KCNMA1: variants seen among roughly 807,000 people sequenced by gnomAD.
KCNMA1 encodes the protein Calcium-activated potassium channel subunit alpha-1.
In KCNMA1, 29 loss-of-function variants were observed where a neutral mutation model predicts 140.0. That is an observed-to-expected ratio of 0.21 (90% CI 0.15 to 0.28). The LOEUF is 0.28. KCNMA1 is among the 10% of genes least tolerant of loss of function. The probability of loss-of-function intolerance (pLI) is 1.00; values close to 1 mark genes in which losing one functional copy is unlikely to be tolerated. For missense variants in KCNMA1, 880 were observed against 1,602.2 expected (o/e 0.55, Z 7.70); for synonymous variants, 612 against 611.9 (o/e 1.00, Z 0.00).
At position 77,112,433 on chromosome 10, in the gene KCNMA1, G is replaced by A. The variant is rs80332184; in HGVS notation, c.894C>T (p.Ile298=). ...FLNILKTSNS[I]KLVNLLSIFI... ...ATATGGAGAGCAGATTCACCAGCTT[G>A]ATGGAATTACTGTGCAAGAGACAAC... Residue 298 remains isoleucine (I), a synonymous_variant, in exon 7 of 28, where the codon ATC becomes ATT. Transcript: ENST00000286628. 6.2e-7 allele frequency: 1 copy of A among 1,613,520 alleles called. No individual in the cohort carries two copies. The highest frequency in any genetic ancestry group is 1.3e-5 in the African/African-American group (1 of 75,028).
At chr10:77,016,025 A>G (rs1443722077) in intron 17 of KCNMA1, among the ~76,000 whole-genome samples, 1 of 152,186 alleles carries the variant, frequency 6.6e-6, no homozygotes, top group Non-Finnish European at 1.5e-5. Context: ...CTTCCATTTT[A>G]TAACAGATCC....
intron 1 of KCNMA1, among the ~76,000 whole-genome samples, chr10:77,406,315 G>A (rs1259277070): frequency 1.3e-5 from 2 of 152,018 alleles, no homozygotes; most frequent in African/African-American, 4.8e-5. Context: ...ACCGCTGTGG[G>A]ACCTCAATAA....
chr10:76,936,167 T>A (rs1038903986), intron 23 of KCNMA1, among the ~76,000 whole-genome samples: 1 of 152,232 alleles, frequency 6.6e-6, no homozygotes, highest in Non-Finnish European at 1.5e-5. Context: ...ATTCTTGTGA[T>A]GAGATTCATC....
chr10:77,431,725 C>T (rs904854123), intron 1 of KCNMA1, among the ~76,000 whole-genome samples: 3 of 136,132 alleles, frequency 2.2e-5, no homozygotes, highest in Non-Finnish European at 4.6e-5. Flanking sequence ...AGGCCGGGAG[C>T]GGTGGCTCAC....
chr10:77,330,169 C>A (rs1196755275), intron 2 of KCNMA1, among the ~76,000 whole-genome samples: 1 of 152,144 alleles, frequency 6.6e-6, no homozygotes, highest in Non-Finnish European at 1.5e-5. Flanking sequence ...CACCCACCCA[C>A]CCACTGAGTT....
intron 1 of KCNMA1, among the ~76,000 whole-genome samples, chr10:77,492,963 G>A (rs983025656): frequency 6.6e-6 from 1 of 152,232 alleles, no homozygotes; most frequent in Non-Finnish European, 1.5e-5. Context: ...TTAGAGAAGT[G>A]AAATCATTCT....
chr10:77,132,916 CTGAG>C (rs570956546), intron 5 of KCNMA1, among the ~76,000 whole-genome samples: 17 of 152,042 alleles, frequency 1.1e-4, no homozygotes, highest in East Asian at 5.8e-4. Context: ...TATGTGTTGA[CTGAG>C]TATGTTTTAA....
In KCNMA1 at chr10:77,461,533, C is replaced by T. The variant is rs537370306; in HGVS notation, c.379-57510G>A. On this transcript the variant is annotated intron_variant, in intron 1 of 27. Coordinates refer to ENST00000286628, the MANE Select transcript of KCNMA1 (RefSeq NM_001161352.2). Reference sequence around the variant, plus strand: ...ATTCATGATTCAGTACAGTCTTGGGCTTAAGGAGATTTCAATACTGAGGAG... The same window carrying T: ...ATTCATGATTCAGTACAGTCTTGGGTTTAAGGAGATTTCAATACTGAGGAG... 3.9e-5 allele frequency among the ~76,000 whole-genome samples: 6 copies of T among 152,258 alleles called. No individual in the cohort carries two copies. In the South Asian group the frequency reaches 1.2e-3, roughly 32 times the overall value.
chr10:76,924,985 T>C (rs1363962242), intron 23 of KCNMA1, among the ~76,000 whole-genome samples: 2 of 152,104 alleles, frequency 1.3e-5, no homozygotes, highest in Admixed American at 1.3e-4. Flanking sequence ...AGAAACGCTG[T>C]TCCCCCTCTT....
chr10:77,228,383 AG>A (rs1474161881), intron 3 of KCNMA1, among the ~76,000 whole-genome samples: 1 of 152,186 alleles, frequency 6.6e-6, no homozygotes, highest in East Asian at 1.9e-4. Context: ...AAAAGTAACA[AG>A]ATGGAAAAAT....
chr10:77,185,735 T>C (rs1233598397), intron 3 of KCNMA1, among the ~76,000 whole-genome samples: 1 of 152,046 alleles, frequency 6.6e-6, no homozygotes, highest in African/African-American at 2.4e-5. Context: ...AAGACTTCTG[T>C]GTGCTTTCCT....
At chr10:77,298,073 C>A (rs1385260920) in intron 2 of KCNMA1, among the ~76,000 whole-genome samples, 3 of 152,120 alleles carry the variant, frequency 2.0e-5, no homozygotes, top group Non-Finnish European at 2.9e-5. Context: ...CATTTATATC[C>A]AAACCAGATC....
intron 5 of KCNMA1, among the ~76,000 whole-genome samples, chr10:77,154,027 G>A (rs2098455280): frequency 6.6e-6 from 1 of 152,272 alleles, no homozygotes; most frequent in African/African-American, 2.4e-5. Flanking sequence ...ATCTCCACCT[G>A]TCAAGGGTGG....
chr10:77,340,963 A>G (rs1475369708), intron 2 of KCNMA1, among the ~76,000 whole-genome samples: 2 of 152,112 alleles, frequency 1.3e-5, no homozygotes. Flanking sequence ...ACAAAACAGA[A>G]TGACTAGTGC....
intron 6 of KCNMA1, among the ~76,000 whole-genome samples, chr10:77,113,804 G>C (rs1291706458): frequency 1.3e-5 from 2 of 152,110 alleles, no homozygotes; most frequent in African/African-American, 4.8e-5. Context: ...TATGTTTGAG[G>C]TTTACAACAT....
At chr10:77,359,586 G>A (rs1462566799) in intron 2 of KCNMA1, among the ~76,000 whole-genome samples, 1 of 152,170 alleles carries the variant, frequency 6.6e-6, no homozygotes, top group Non-Finnish European at 1.5e-5. Flanking sequence ...AACCTTAGAA[G>A]GCAGCTCCCA....
intron 1 of KCNMA1, among the ~76,000 whole-genome samples, chr10:77,623,686 G>A (rs575471123): frequency 7.3e-5 from 11 of 150,296 alleles, no homozygotes; most frequent in African/African-American, 2.4e-4. Context: ...CTGGACGACA[G>A]ACCAAGACTC....
intron 1 of KCNMA1, among the ~76,000 whole-genome samples, chr10:77,527,740 G>C (rs973748206): frequency 1.3e-5 from 2 of 152,194 alleles, no homozygotes; most frequent in African/African-American, 4.8e-5. Context: ...TGGGGAGTGA[G>C]GAGGAGGCAC....
chr10:77,472,271 G>A (rs561694859), intron 1 of KCNMA1, among the ~76,000 whole-genome samples: 2 of 146,408 alleles, frequency 1.4e-5, no homozygotes, highest in Admixed American at 1.4e-4. Flanking sequence ...AGCACACCTA[G>A]GCACACTATG....
Sources: gnomAD v4.1 joint callset for allele counts (sites outside exome capture counted in the v4.1 genomes callset) on GRCh38, gnomAD v4.1.1 for gene constraint, MANE v1.5 for transcripts, NCBI Gene and HGNC (gene_info 2026-07-23, HGNC 2026-07-21) for gene names.